The following ADGRG2 variants were observed in gnomAD, a reference collection of about 807,000 sequenced individuals.
ADGRG2 encodes the protein adhesion G protein-coupled receptor G2, also known as G protein-coupled receptor 64.
In ADGRG2, 26 loss-of-function variants were observed where a neutral mutation model predicts 74.1. The observed-to-expected ratio is 0.35, with a 90% confidence interval of 0.26 to 0.49. The LOEUF (loss-of-function observed/expected upper bound fraction) is 0.49. Ranked by LOEUF, ADGRG2 falls within the 20% of genes least tolerant of loss-of-function variation. ADGRG2 has a pLI of 0.99. For synonymous variants in ADGRG2, 296 were observed against 295.2 expected, an observed-to-expected ratio of 1.00 and a Z score of -0.03; for missense variants, 619 against 763.1, an observed-to-expected ratio of 0.81 and a Z score of 2.22.
chrX:19,025,704 T>G (rs1329180585), intron 11 of ADGRG2, among the ~76,000 whole-genome samples: 2 of 110,965 alleles, frequency 1.8e-5, no homozygotes, highest in Non-Finnish European at 3.8e-5. Context: ...GAGACCAGCC[T>G]GGCCAACATG....
chrX:19,077,657 T>C (rs761671507), intron 2 of ADGRG2, among the ~76,000 whole-genome samples: 130 of 111,391 alleles, frequency 1.2e-3, no homozygotes, highest in African/African-American at 4.0e-3. Context: ...TAGAACCTAA[T>C]GATTCAGAAA....
chrX:19,110,948 A>T (rs2062402588), intron 1 of ADGRG2, among the ~76,000 whole-genome samples: 1 of 111,574 alleles, frequency 9.0e-6, no homozygotes, highest in Non-Finnish European at 1.9e-5. Context: ...CCATGTGGAT[A>T]TTGGATTCTA....
rs930051320 is a variant in ADGRG2, at chrX:18,994,976, G to A, written c.2789C>T (p.Ser930Phe). 1 of 1,194,619 alleles carries A rather than the reference G, an allele frequency of 8.4e-7. No homozygotes were observed. Among genetic ancestry groups the A allele is most frequent in the Non-Finnish European group, 1.1e-6 (1 of 881,170 alleles). The change falls in exon 28 of 29, where the codon TCC (serine) becomes TTC (phenylalanine). Residue 930 changes from serine to phenylalanine, a missense_variant. Transcript: ENST00000379869. ...VNQGVSSSSN[S>F]LQSSSNSTNS... ...AGTGGAGTTACTGCTTGACTGTAAGGAATTTGAAGAGCTGGACACTCCTTG... is the reference window on the plus strand; with the variant it reads ...AGTGGAGTTACTGCTTGACTGTAAGAAATTTGAAGAGCTGGACACTCCTTG...
intron 3 of ADGRG2, among the ~76,000 whole-genome samples, chrX:19,048,401 T>G (rs1176973748): frequency 9.0e-6 from 1 of 111,652 alleles, no homozygotes; most frequent in Non-Finnish European, 1.9e-5. Flanking sequence ...AGGTACGTTA[T>G]CCCCATTTCA....
chrX:19,122,004 G>A (rs1602161061), intron 1 of ADGRG2, among the ~76,000 whole-genome samples: 1 of 112,086 alleles, frequency 8.9e-6, no homozygotes, highest in African/African-American at 3.2e-5. Context: ...GGGCCCGGGC[G>A]CGTTCGCGCT....
rs1188508537 is a variant in ADGRG2, at chrX:18,999,019, A to G, written c.2591T>C (p.Phe864Ser). The G allele has an allele frequency of 1.7e-6, 2 of 1,205,945 alleles. No individual in the cohort carries two copies. The highest frequency in any genetic ancestry group is 4.4e-5 in the Admixed American group (2 of 45,613). The change falls in exon 26 of 29, where the codon TTT becomes TCT. Residue 864 changes from phenylalanine (F) to serine (S), a missense_variant. Around this residue, in one of 3 missense-constraint regions of ADGRG2, gnomAD observed 221 missense variants for 340.6 expected, o/e 0.65. Transcript: ENST00000379869. The part of the protein sequence containing the change: ...GPVNVTFMYL[F>S]AIFNTLQGFF... ...ACCTTGTAAGGTATTAAAGATGGCA[A>G]ACAGATACATGAAGGTCACGTTAAC...
At chrX:19,066,498 C>T (rs2061572530) in intron 3 of ADGRG2, among the ~76,000 whole-genome samples, 1 of 96,078 alleles carries the variant, frequency 1.0e-5, no homozygotes, top group African/African-American at 3.9e-5. Flanking sequence ...CTCTGCCACC[C>T]AAGCTGGACT....
At chrX:19,119,124 G>A (rs886339704) in intron 1 of ADGRG2, among the ~76,000 whole-genome samples, 12 of 111,814 alleles carry the variant, frequency 1.1e-4, no homozygotes, top group Non-Finnish European at 1.9e-4. Context: ...GTGGTTACAT[G>A]ACTATATACA....
intron 16 of ADGRG2, among the ~76,000 whole-genome samples, chrX:19,012,796 A>C (rs2060384800): frequency 9.0e-6 from 1 of 110,569 alleles, no homozygotes; most frequent in Admixed American, 9.6e-5. Context: ...GTCACCAAAA[A>C]CTTGGCTTTG....
intron 11 of ADGRG2, 131 bp from the exon 12 acceptor site, chrX:19,024,079 A>G (rs186846882): frequency 2.1e-5 from 10 of 485,723 alleles, no homozygotes; most frequent in African/African-American, 1.2e-4. Flanking sequence ...GAAGAAATAG[A>G]GAGTATAATA....
intron 3 of ADGRG2, among the ~76,000 whole-genome samples, chrX:19,043,895 C>T (rs2061124662): frequency 9.0e-6 from 1 of 110,904 alleles, no homozygotes; most frequent in Non-Finnish European, 1.9e-5. Context: ...ACTCATCCCT[C>T]ATCACCCCAC....
Position 19,013,991 on chromosome X carries a change from G to A in ADGRG2, c.794C>T (p.Pro265Leu), listed in dbSNP as rs1569373651. 5.0e-6 allele frequency: 6 copies of A among 1,206,088 alleles called. No individual in the cohort carries two copies. Among genetic ancestry groups the A allele is most frequent in the Non-Finnish European group, 5.6e-6 (5 of 892,508 alleles). Reference sequence around the variant, plus strand: ...GACCTGGGAAAGCACAGTGGCCCGAGGCACCACTGGGATGGATTGGCTGGA... The same window carrying A: ...GACCTGGGAAAGCACAGTGGCCCGAAGCACCACTGGGATGGATTGGCTGGA... ...FSSSQSIPVVPRATVLSQVPK... is the reference protein window; with the variant it reads ...FSSSQSIPVVLRATVLSQVPK... The change falls in exon 16 of 29, where the codon CCT becomes CTT. Residue 265 changes from proline to leucine, a missense_variant. Physicochemically the swap from Pro to Leu is moderately conservative, Grantham distance 98. This residue lies in a region of ADGRG2 where 292 missense variants were observed against 318.0 expected (regional missense o/e 0.92). Coordinates refer to ENST00000379869, the MANE Select transcript of ADGRG2 (RefSeq NM_001079858.3).
At chrX:19,086,271 A>C (rs1020518852) in intron 1 of ADGRG2, among the ~76,000 whole-genome samples, 3 of 111,174 alleles carry the variant, frequency 2.7e-5, no homozygotes, top group Non-Finnish European at 3.8e-5. Flanking sequence ...GGCAAGTCAC[A>C]AAAGGAACCA....
chrX:18,996,755 C>T (rs948446071), intron 26 of ADGRG2, among the ~76,000 whole-genome samples: 1 of 111,008 alleles, frequency 9.0e-6, no homozygotes, highest in African/African-American at 3.3e-5. Context: ...GACTCCACCT[C>T]TCACCCACTC....
chrX:19,089,426 TG>T (rs1336355013), intron 1 of ADGRG2, among the ~76,000 whole-genome samples: 8 of 111,812 alleles, frequency 7.2e-5, no homozygotes, highest in Non-Finnish European at 1.9e-5. Flanking sequence ...CATGTATACT[TG>T]AACTTAAAAT....
In ADGRG2 at chrX:19,120,453, T is replaced by C. The variant is rs144996574; in HGVS notation, c.-47+1989A>G. ...CTGTTAACTGTTGATATTAATAAAGTAATAAATTTTGTCACACCATGCATG... is the reference window on the plus strand; with the variant it reads ...CTGTTAACTGTTGATATTAATAAAGCAATAAATTTTGTCACACCATGCATG... On this transcript the variant is annotated intron_variant, in intron 1 of 28. Transcript: ENST00000379869. Among the ~76,000 whole-genome samples, 557 of 112,374 alleles carry C rather than the reference T, an allele frequency of 5.0e-3. 3 individuals carry two copies. Among genetic ancestry groups the C allele is most frequent in the African/African-American group, 0.017 (524 of 30,981 alleles).
intron 1 of ADGRG2, among the ~76,000 whole-genome samples, chrX:19,091,498 A>T (rs1233156792): frequency 3.2e-5 from 3 of 92,832 alleles, no homozygotes; most frequent in Admixed American, 2.2e-4. Context: ...TATGTCACAC[A>T]CACACACACA....
intron 15 of ADGRG2, among the ~76,000 whole-genome samples, chrX:19,017,445 T>C (rs897630467): frequency 2.7e-5 from 3 of 111,715 alleles, no homozygotes; most frequent in Non-Finnish European, 5.6e-5. Flanking sequence ...CTATTCCTGT[T>C]TCTTCTTCTT....
At chrX:18,996,362 G>C (rs1403960527) in intron 26 of ADGRG2, among the ~76,000 whole-genome samples, 3 of 111,342 alleles carry the variant, frequency 2.7e-5, no homozygotes, top group Non-Finnish European at 5.6e-5. Context: ...GTAAGATTAA[G>C]AATATTTATA....
Sources: gnomAD v4.1 joint callset for allele counts (sites outside exome capture counted in the v4.1 genomes callset) on GRCh38, gnomAD v4.1.1 for gene constraint, gnomAD v4.1.1 regional missense constraint, MANE v1.5 for transcripts, NCBI Gene and HGNC (gene_info 2026-07-23, HGNC 2026-07-21) for gene names.